The following KCNJ6 variants were observed in gnomAD, a reference collection of about 807,000 sequenced individuals.
The protein encoded by KCNJ6 is potassium inwardly rectifying channel subfamily J member 6.
In KCNJ6, 9 loss-of-function variants were observed where a neutral mutation model predicts 34.2. The observed-to-expected ratio is 0.26, with a 90% CI of 0.16 to 0.46. The LOEUF is 0.46. KCNJ6 is among the 20% of genes least tolerant of loss of function. The pLI, the probability that KCNJ6 is intolerant of heterozygous loss-of-function variation, is 1.00. For missense variants in KCNJ6, 236 were observed against 531.3 expected (o/e 0.44, Z 5.46); for synonymous variants, 196 against 207.1 (o/e 0.95, Z 0.46).
At chr21:37,766,030 G>C (rs1014423681) in intron 2 of KCNJ6, among the ~76,000 whole-genome samples, 1 of 152,188 alleles carries the variant, frequency 6.6e-6, no homozygotes, top group Non-Finnish European at 1.5e-5. Context: ...TTTTCCTGAA[G>C]AGCCTGTTGA....
intron 1 of KCNJ6, among the ~76,000 whole-genome samples, chr21:37,841,885 G>A (rs2055482624): frequency 6.6e-6 from 1 of 152,164 alleles, no homozygotes; most frequent in Admixed American, 6.5e-5. Flanking sequence ...TTATATGGTT[G>A]TGCACTTGTC....
chr21:37,789,773 C>T (rs2055208541), intron 2 of KCNJ6, among the ~76,000 whole-genome samples: 1 of 152,200 alleles, frequency 6.6e-6, no homozygotes, highest in African/African-American at 2.4e-5. Context: ...CGACCAGTGT[C>T]TCTATTACTT....
chr21:37,679,152 T>A (rs2054579919), intron 3 of KCNJ6, among the ~76,000 whole-genome samples: 4 of 152,186 alleles, frequency 2.6e-5, no homozygotes, highest in Admixed American at 2.6e-4. Context: ...TAGTGTATCA[T>A]CTTGGAAGTG....
intron 3 of KCNJ6, among the ~76,000 whole-genome samples, chr21:37,649,157 A>AAAAAACAAAAAC (rs755535850): frequency 1.5e-5 from 2 of 133,978 alleles, no homozygotes; most frequent in African/African-American, 5.8e-5. Context: ...AAAAAAAAGA[A>AAAAAACAAAAAC]AGAAAAAGAA....
chr21:37,836,042 C>G (rs12106373), intron 2 of KCNJ6, among the ~76,000 whole-genome samples: 1 of 151,884 alleles, frequency 6.6e-6, no homozygotes, highest in African/African-American at 2.4e-5. Context: ...AAAATTTACA[C>G]GAAAAAAACA....
chr21:37,781,695 C>T (rs181439511), intron 2 of KCNJ6, among the ~76,000 whole-genome samples: 103 of 152,140 alleles, frequency 6.8e-4, no homozygotes, highest in Middle Eastern at 3.4e-3. Flanking sequence ...ATGAGAAAAC[C>T]GATACTAGAA....
chr21:37,656,614 C>A (rs983817315), intron 3 of KCNJ6, among the ~76,000 whole-genome samples: 1 of 152,322 alleles, frequency 6.6e-6, no homozygotes, highest in South Asian at 2.1e-4. Flanking sequence ...GGAGCTGGAG[C>A]GGCTGGGGCT....
intron 3 of KCNJ6, among the ~76,000 whole-genome samples, chr21:37,682,632 T>C (rs564166245): frequency 6.6e-6 from 1 of 152,332 alleles, no homozygotes; most frequent in South Asian, 2.1e-4. Context: ...TTGAGACCCC[T>C]AACCTAATTA....
chr21:37,714,927 A>G lies in KCNJ6; in HGVS notation c.230T>C (p.Leu77Pro). 1 of 1,613,616 alleles carries G rather than the reference A, an allele frequency of 6.2e-7. No individual in the cohort carries two copies. Among genetic ancestry groups the G allele is most frequent in the Non-Finnish European group, 8.5e-7 (1 of 1,179,854 alleles). The change falls in exon 3 of 4, where the codon CTG (leucine) becomes CCG (proline). Residue 77 changes from leucine (L) to proline (P), a missense_variant. Physicochemically the swap from Leu to Pro is moderately conservative, Grantham distance 98. This residue lies in a region of KCNJ6 where 68 missense variants were observed against 165.7 expected (regional missense o/e 0.41). Coordinates refer to ENST00000609713, the MANE Select transcript of KCNJ6 (RefSeq NM_002240.5). This position sits in a 1 kb window ranked among gnomAD's most constrained non-coding sequence, Gnocchi z 5.9. ...HGNVRETYRY[L>P]TDIFTTLVDL... is the part of the protein sequence containing the mutation. ...CACTAATGTGGTGAAGATATCGGTCAGGTAGCGATAGGTCTCCCTCACGTT... is the reference window on the plus strand; with the variant it reads ...CACTAATGTGGTGAAGATATCGGTCGGGTAGCGATAGGTCTCCCTCACGTT...
chr21:37,736,629 T>C (rs2054914435), intron 2 of KCNJ6, among the ~76,000 whole-genome samples: 3 of 152,138 alleles, frequency 2.0e-5, no homozygotes, highest in Admixed American at 2.0e-4. Flanking sequence ...AGATAAAGCA[T>C]GGTGGCATGT....
chr21:37,756,863 T>A (rs140309956), intron 2 of KCNJ6, among the ~76,000 whole-genome samples: 2 of 80,838 alleles, frequency 2.5e-5, no homozygotes, highest in African/African-American at 5.5e-5. Flanking sequence ...TCTCTCACAG[T>A]GTGATGATTC....
intron 3 of KCNJ6, among the ~76,000 whole-genome samples, chr21:37,694,522 C>T (rs2054655382): frequency 6.6e-6 from 1 of 152,112 alleles, no homozygotes; most frequent in Non-Finnish European, 1.5e-5. Context: ...CATGTGTGGC[C>T]CTTACAACAT....
Position 37,670,048 on chromosome 21 carries a change from A to G in KCNJ6, c.946+44163T>C, listed in dbSNP as rs564839479. Among the ~76,000 whole-genome samples the G allele has an allele frequency of 6.3e-4, 96 of 152,290 alleles. 1 individual carries two copies. The highest frequency in any genetic ancestry group is 2.0e-3 in the African/African-American group (85 of 41,564). ...ATTTTGAGTTTATTTTTGCAAATGT[A>G]TGAGGTAGAGTTTCAACTAATTCTT... On this transcript the variant is annotated intron_variant, in intron 3 of 3. Transcript: ENST00000609713.
At chr21:37,897,846 A>G (rs2123641826) in intron 1 of KCNJ6, among the ~76,000 whole-genome samples, 2 of 152,366 alleles carry the variant, frequency 1.3e-5, no homozygotes, top group Admixed American at 1.3e-4. Context: ...AGTCTTTTGC[A>G]TCTGTTTTCC....
chr21:37,836,046 A>G (rs1366869318), intron 2 of KCNJ6, among the ~76,000 whole-genome samples: 3 of 152,254 alleles, frequency 2.0e-5, no homozygotes, highest in Admixed American at 6.5e-5. Flanking sequence ...TTTACACGAA[A>G]AAAACAAACA....
Position 37,620,587 on chromosome 21 carries a change from A to G in KCNJ6, c.*4572T>C, listed in dbSNP as rs2054287155. 1 of 151,932 alleles carries G rather than the reference A, an allele frequency of 6.6e-6. No homozygotes were observed. Among genetic ancestry groups the G allele is most frequent in the Admixed American group, 6.6e-5 (1 of 15,262 alleles). The allele number at this position is 151,932 out of a possible 1,614,324, so 9.4% of individuals were successfully genotyped here. A position where few individuals can be genotyped will look rare whatever the true frequency, so the allele number is the denominator to read the frequency against. ...TTGGTTTGCTGAAATTTTTTGTAGT[A>G]AAAATAGCCCACAGCTTAGGGCCCT... On this transcript the variant is annotated 3_prime_UTR_variant, in exon 4 of 4. Coordinates refer to ENST00000609713, the MANE Select transcript of KCNJ6 (RefSeq NM_002240.5).
chr21:37,845,252 T>C (rs1419428910), intron 1 of KCNJ6, among the ~76,000 whole-genome samples: 1 of 152,242 alleles, frequency 6.6e-6, no homozygotes, highest in African/African-American at 2.4e-5. Flanking sequence ...GAGGTAATCA[T>C]CTCATGTTCT....
chr21:37,764,203 T>C (rs1254196422), intron 2 of KCNJ6, among the ~76,000 whole-genome samples: 1 of 152,074 alleles, frequency 6.6e-6, no homozygotes, highest in African/African-American at 2.4e-5. Flanking sequence ...TACCTAGTCA[T>C]GGAAATGAAT....
chr21:37,860,326 A>T (rs1671496534), intron 1 of KCNJ6, among the ~76,000 whole-genome samples: 1 of 152,022 alleles, frequency 6.6e-6, no homozygotes, highest in Non-Finnish European at 1.5e-5. Flanking sequence ...TTCTAAGCCG[A>T]TCCCACATCT....
Sources: gnomAD v4.1 joint callset for allele counts (sites outside exome capture counted in the v4.1 genomes callset) on GRCh38, gnomAD v4.1.1 for gene constraint, gnomAD v4.1.1 regional missense constraint, Gnocchi (gnomAD v3.1) non-coding constraint, MANE v1.5 for transcripts, NCBI Gene and HGNC (gene_info 2026-07-23, HGNC 2026-07-21) for gene names.